The following SEPTIN11 variants were observed in gnomAD, a reference collection of about 807,000 sequenced individuals.
The protein encoded by SEPTIN11 is septin-11.
In SEPTIN11, 25 loss-of-function variants were observed where a neutral mutation model predicts 51.4. That is an observed-to-expected ratio of 0.49 (90% CI 0.35 to 0.68). SEPTIN11 has a LOEUF of 0.68. SEPTIN11 is among the 30% of genes least tolerant of loss of function. The pLI is 0.00. For missense variants in SEPTIN11, 381 were observed against 520.8 expected (o/e 0.73, Z 2.61); for synonymous variants, 174 against 184.1 (o/e 0.95, Z 0.44).
At chr4:77,014,816 A>G in intron 4 of SEPTIN11, 40 bp from the exon 5 acceptor site, 1 of 1,594,602 alleles carries the variant, frequency 6.3e-7, no homozygotes, top group Non-Finnish European at 8.6e-7. Flanking sequence ...TATTTTTCTT[A>G]TGTTGGAATT....
Position 77,030,881 on chromosome 4 carries a change from C to A in SEPTIN11, c.1185C>A (p.Phe395Leu). Residue 395 changes from phenylalanine to leucine, a missense_variant, in exon 9 of 10, where the codon TTC becomes TTA. Transcript: ENST00000264893. The part of the protein sequence containing the change: ...KKELEEEVNN[F>L]QKKKAAAQLL... ...AGCTTGAGGAGGAGGTGAACAACTT[C>A]CAGAAGAAGAAAGCAGCGGCTCAGT... The A allele has an allele frequency of 6.2e-7, 1 of 1,613,768 alleles. No individual in the cohort carries two copies. The highest frequency in any genetic ancestry group is 8.5e-7 in the Non-Finnish European group (1 of 1,179,950).
intron 7 of SEPTIN11, among the ~76,000 whole-genome samples, chr4:77,022,581 CT>C (rs1454701012): frequency 6.6e-6 from 1 of 152,170 alleles, no homozygotes; most frequent in East Asian, 1.9e-4. Context: ...TCCGGTAAAA[CT>C]TCATTTACAA....
chr4:77,002,192 A>G (rs1034947824), intron 2 of SEPTIN11, among the ~76,000 whole-genome samples: 2 of 152,186 alleles, frequency 1.3e-5, no homozygotes, highest in African/African-American at 4.8e-5. Context: ...CCCATTGATT[A>G]ACCCTGTGCT....
At position 77,035,129 on chromosome 4, in the gene SEPTIN11, G is replaced by C; in HGVS notation, c.*617G>C. ...TCTGTTCAGACTGTCTCCTCTCATG[G>C]TTTGAAACTGCATCTGAATGCCTGC... On this transcript the variant is annotated 3_prime_UTR_variant, in exon 10 of 10. Coordinates refer to ENST00000264893, the MANE Select transcript of SEPTIN11 (RefSeq NM_018243.4). The C allele has an allele frequency of 1.0e-6, 1 of 985,402 alleles. No homozygotes were observed. The highest frequency in any genetic ancestry group is 1.1e-4 in the East Asian group (1 of 8,814). The allele number at this position is 985,402 out of a possible 1,614,324, so 61.0% of individuals were successfully genotyped here.
At chr4:76,996,234 A>T (rs968894565) in intron 1 of SEPTIN11, among the ~76,000 whole-genome samples, 191 bp from the exon 2 acceptor site, 11 of 152,166 alleles carry the variant, frequency 7.2e-5, no homozygotes, top group Admixed American at 7.2e-4. Flanking sequence ...GGAGACTGTG[A>T]CTTTTGTGGA....
intron 1 of SEPTIN11, among the ~76,000 whole-genome samples, chr4:76,968,733 CTT>C (rs1722127849): frequency 6.6e-6 from 1 of 152,104 alleles, no homozygotes. Context: ...CAAAATTGCT[CTT>C]GATTTTACAG....
At chr4:77,009,539 C>T (rs1440475344) in intron 3 of SEPTIN11, among the ~76,000 whole-genome samples, 2 of 152,094 alleles carry the variant, frequency 1.3e-5, no homozygotes, top group Non-Finnish European at 2.9e-5. Flanking sequence ...CTAATAAGAA[C>T]AGGTAGAAGG....
At chr4:76,967,842 G>A (rs528955650) in intron 1 of SEPTIN11, among the ~76,000 whole-genome samples, 2 of 152,170 alleles carry the variant, frequency 1.3e-5, no homozygotes, top group East Asian at 3.9e-4. Context: ...TACAAGTGAA[G>A]CAAGTGCTTG....
intron 1 of SEPTIN11, among the ~76,000 whole-genome samples, chr4:76,952,772 G>A (rs975908370): frequency 2.6e-5 from 4 of 152,232 alleles, no homozygotes; most frequent in African/African-American, 9.6e-5. Flanking sequence ...AAGCACATCT[G>A]CTGTTTGCCT....
At chr4:76,973,456 GGCA>G (rs1314172678) in intron 1 of SEPTIN11, among the ~76,000 whole-genome samples, 1 of 152,210 alleles carries the variant, frequency 6.6e-6, no homozygotes, top group Non-Finnish European at 1.5e-5. Flanking sequence ...GCACAAGGGA[GGCA>G]GCTCAGCTGT....
intron 2 of SEPTIN11, among the ~76,000 whole-genome samples, chr4:77,000,290 A>G (rs1724026950): frequency 6.6e-6 from 1 of 152,264 alleles, no homozygotes; most frequent in Non-Finnish European, 1.5e-5. Context: ...CTATAGTGTC[A>G]ACATAAATTG....
intron 2 of SEPTIN11, among the ~76,000 whole-genome samples, chr4:77,003,177 A>G (rs1383584257): frequency 1.3e-5 from 2 of 152,130 alleles, no homozygotes; most frequent in African/African-American, 2.4e-5. Context: ...AAAGAGAAAA[A>G]CTGTGATTAG....
chr4:77,011,661 C>T, intron 3 of SEPTIN11, 74 bp from the exon 4 acceptor site: 3 of 1,395,628 alleles, frequency 2.1e-6, no homozygotes, highest in East Asian at 4.6e-5. Flanking sequence ...GAGAAGAAGC[C>T]ATTGTGATGT....
chr4:76,949,960 TC>T, intron 1 of SEPTIN11, 30 bp downstream of exon 1: 1 of 1,445,790 alleles, frequency 6.9e-7, no homozygotes, highest in African/African-American at 1.5e-5. Flanking sequence ...CTGCTGCTCC[TC>T]GGGCGCCGGG....
intron 1 of SEPTIN11, among the ~76,000 whole-genome samples, chr4:76,994,251 A>G (rs370441740): frequency 9.8e-5 from 15 of 152,342 alleles, no homozygotes; most frequent in African/African-American, 3.6e-4. Flanking sequence ...AGGTGGAAAG[A>G]GTTCTAAAAA....
In SEPTIN11 at chr4:77,003,531, T is replaced by C. The variant is rs577649964; in HGVS notation, c.143-2070T>C. Among the ~76,000 whole-genome samples the C allele has an allele frequency of 3.2e-4, 48 of 152,262 alleles. No homozygotes were observed. The South Asian group carries it at 9.5e-3, about 30-fold the overall frequency. ...CACTGGAAAAATACTGGCTGAATGA[T>C]GGTTGACTAAAGAGGAAATTCTGTG... On this transcript the variant is annotated intron_variant, in intron 2 of 9. Transcript: ENST00000264893.
intron 5 of SEPTIN11, among the ~76,000 whole-genome samples, chr4:77,016,633 C>CACACACATAT (rs1375044162): frequency 1.4e-4 from 10 of 72,744 alleles, no homozygotes; most frequent in African/African-American, 5.2e-4. Flanking sequence ...TATATATACA[C>CACACACATAT]ATATATATAT....
chr4:76,979,447 G>A (rs1446216300), intron 1 of SEPTIN11, among the ~76,000 whole-genome samples: 1 of 151,930 alleles, frequency 6.6e-6, no homozygotes, highest in East Asian at 2.1e-4. Flanking sequence ...TTAGTGTATG[G>A]GCGGTGGTGG....
At chr4:76,955,829 C>G (rs1721536209) in intron 1 of SEPTIN11, among the ~76,000 whole-genome samples, 2 of 152,084 alleles carry the variant, frequency 1.3e-5, no homozygotes, top group Admixed American at 1.3e-4. Context: ...CTTCCTCTGC[C>G]CAGTTTTATG....
Sources: allele counts gnomAD v4.1 joint callset (sites outside exome capture counted in the v4.1 genomes callset), GRCh38; gene constraint gnomAD v4.1.1; transcripts MANE v1.5; gene names NCBI Gene and HGNC (gene_info 2026-07-23, HGNC 2026-07-21).